The following SYT16 variants were observed in gnomAD, a reference collection of about 807,000 sequenced individuals.
The protein encoded by SYT16 is synaptotagmin 16.
Under a neutral mutation model 61.4 loss-of-function variants are expected in SYT16, and 42 were observed. That is an observed-to-expected ratio of 0.68 (90% CI 0.53 to 0.89). The LOEUF (loss-of-function observed/expected upper bound fraction) is 0.89, where lower values mean the gene tolerates loss of function less well. Ranked by LOEUF, SYT16 falls within the 40% of genes least tolerant of loss-of-function variation. The probability of loss-of-function intolerance (pLI) is 0.00; values close to 1 mark genes in which losing one functional copy is unlikely to be tolerated. For synonymous variants in SYT16, 314 were observed against 302.3 expected, an observed-to-expected ratio of 1.04 and a Z score of -0.40; for missense variants, 804 against 807.3, an observed-to-expected ratio of 1.00 and a Z score of 0.05.
intron 3 of SYT16, among the ~76,000 whole-genome samples, chr14:62,062,251 T>C (rs2055858090): frequency 6.6e-6 from 1 of 152,194 alleles, no homozygotes; most frequent in Non-Finnish European, 1.5e-5. Context: ...AGCTATTTGA[T>C]TGTACTGAAG....
At chr14:62,045,364 C>A (rs959192175) in intron 3 of SYT16, among the ~76,000 whole-genome samples, 1 of 151,870 alleles carries the variant, frequency 6.6e-6, no homozygotes. Context: ...ATAAAAGCAT[C>A]GGGGTATGTT....
At chr14:61,864,870 C>A (rs1020094508) in intron 1 of SYT16, 4 of 1,182,518 alleles carry the variant, frequency 3.4e-6, no homozygotes, top group African/African-American at 1.5e-5. Flanking sequence ...CAGCCACCCC[C>A]GGCGGAGACA....
rs1278262872 is a variant in SYT16 at position 62,101,882 on chromosome 14, A to G, written c.*1175A>G. ...AATCTGGGCATGTGCCATTCAGAAT[A>G]CTGATCTTGTATGGTTATGAGCATG... On this transcript the variant is annotated 3_prime_UTR_variant, in exon 8 of 8. Coordinates refer to ENST00000683842, the MANE Select transcript of SYT16 (RefSeq NM_001367656.1). 2.6e-5 allele frequency: 4 copies of G among 152,194 alleles called. No individual in the cohort carries two copies. The highest frequency in any genetic ancestry group is 5.9e-5 in the Non-Finnish European group (4 of 68,030). The allele number at this position is 152,194 out of a possible 1,614,324, so 9.4% of individuals were successfully genotyped here. A position where few individuals can be genotyped will look rare whatever the true frequency, so the allele number is the denominator to read the frequency against.
intron 1 of SYT16, among the ~76,000 whole-genome samples, chr14:61,860,809 G>A (rs1192927324): frequency 6.6e-6 from 1 of 152,088 alleles, no homozygotes; most frequent in Admixed American, 6.6e-5. Context: ...CTCCAGCCTT[G>A]TTTAGCTATG....
rs191876472 is a variant in SYT16 at position 61,986,719 on chromosome 14, T to C, written c.-144-9157T>C. Among the ~76,000 whole-genome samples the C allele has an allele frequency of 1.7e-3, 254 of 152,200 alleles. 1 individual carries two copies. Among genetic ancestry groups the C allele is most frequent in the African/African-American group, 5.9e-3 (244 of 41,536 alleles). ...GTGGGAAAAGTTATTGAGGCCCTAATTGAAAATCTAGTTTTTAAAATATTA... is the reference window on the plus strand; with the variant it reads ...GTGGGAAAAGTTATTGAGGCCCTAACTGAAAATCTAGTTTTTAAAATATTA... On this transcript the variant is annotated intron_variant, in intron 2 of 7. Transcript: ENST00000683842.
At chr14:61,926,992 G>T (rs1214162051) in intron 1 of SYT16, among the ~76,000 whole-genome samples, 7 of 152,152 alleles carry the variant, frequency 4.6e-5, no homozygotes, top group African/African-American at 1.7e-4. Context: ...CAAAGACTCA[G>T]CTGTAATTAT....
intron 1 of SYT16, among the ~76,000 whole-genome samples, chr14:61,861,092 G>A (rs2046948103): frequency 6.6e-6 from 1 of 152,172 alleles, no homozygotes; most frequent in South Asian, 2.1e-4. Context: ...ATGGAAGGTG[G>A]TGATCAGAGA....
intron 3 of SYT16, among the ~76,000 whole-genome samples, chr14:62,050,580 GT>G (rs1249675525): frequency 6.6e-6 from 1 of 152,148 alleles, no homozygotes; most frequent in Non-Finnish European, 1.5e-5. Flanking sequence ...TTTCTGCTCC[GT>G]TTTTCCCCCA....
intron 3 of SYT16, among the ~76,000 whole-genome samples, chr14:62,033,618 A>G (rs2054390740): frequency 6.6e-6 from 1 of 152,140 alleles, no homozygotes; most frequent in African/African-American, 2.4e-5. Context: ...CCCATAGGAA[A>G]TGGAAAGACA....
Position 61,960,729 on chromosome 14 carries a change from G to A in SYT16, c.-324-9403G>A, listed in dbSNP as rs116998952. Among the ~76,000 whole-genome samples, 637 of 152,064 alleles carry A rather than the reference G, an allele frequency of 4.2e-3. 1 individual carries two copies. The highest frequency in any genetic ancestry group is 6.0e-3 in the Admixed American group (91 of 15,266). Reference sequence around the variant, plus strand: ...CCTGATTGCTCTGGCCATGACTGCCGTACTATGTTGAGTAGGAGTGATGAG... The same window carrying A: ...CCTGATTGCTCTGGCCATGACTGCCATACTATGTTGAGTAGGAGTGATGAG... On this transcript the variant is annotated intron_variant, in intron 1 of 7. Transcript: ENST00000683842.
rs971691127 is a variant in SYT16, at chr14:61,985,818, A to G, written c.-144-10058A>G. 5.9e-5 allele frequency among the ~76,000 whole-genome samples: 9 copies of G among 152,148 alleles called. No homozygotes were observed. In the East Asian group the frequency reaches 1.3e-3, roughly 23 times the overall value. ...TATAAATATTTCTTGAGTGACTTCT[A>G]TGTGCTAGATATGGCTGCTAGATGC... On this transcript the variant is annotated intron_variant, in intron 2 of 7. Transcript: ENST00000683842.
chr14:61,917,263 C>A (rs1451520212), intron 1 of SYT16, among the ~76,000 whole-genome samples: 1 of 152,160 alleles, frequency 6.6e-6, no homozygotes. Flanking sequence ...TACACAGCAT[C>A]TATTTTCCTC....
chr14:61,864,900 G>T (rs758782876), intron 1 of SYT16: 2 of 1,248,968 alleles, frequency 1.6e-6, no homozygotes, highest in Non-Finnish European at 2.3e-6. Context: ...TGCGCGGATG[G>T]CGGGATGCTC....
rs567515595 is a variant in SYT16 at position 62,086,881 on chromosome 14, C to T, written c.1624+2496C>T. ...CCCATGGAATAGAAAACAATGCTGC[C>T]GTGATGCTAGTAATTAAAACAGAAA... On this transcript the variant is annotated intron_variant, in intron 7 of 7. Transcript: ENST00000683842. Among the ~76,000 whole-genome samples the T allele has an allele frequency of 9.9e-5, 15 of 152,228 alleles. No individual in the cohort carries two copies. In the South Asian group the frequency reaches 2.1e-3, roughly 21 times the overall value.
intron 3 of SYT16, among the ~76,000 whole-genome samples, chr14:62,037,943 T>C (rs558847459): frequency 1.6e-4 from 24 of 152,318 alleles, no homozygotes; most frequent in African/African-American, 5.8e-4. Context: ...CAGAGGTCTT[T>C]TTATGATCAC....
At chr14:62,062,192 C>T (rs2055856349) in intron 3 of SYT16, among the ~76,000 whole-genome samples, 1 of 152,140 alleles carries the variant, frequency 6.6e-6, no homozygotes, top group Non-Finnish European at 1.5e-5. Context: ...GGTGACAAAA[C>T]AGATGTTTGC....
intron 1 of SYT16, among the ~76,000 whole-genome samples, chr14:61,959,466 A>G (rs1196928222): frequency 6.6e-6 from 1 of 152,086 alleles, no homozygotes; most frequent in Non-Finnish European, 1.5e-5. Context: ...GTTTATAGTT[A>G]TAGCAGTGTA....
At chr14:62,018,768 G>C (rs1159946748) in intron 3 of SYT16, among the ~76,000 whole-genome samples, 1 of 152,106 alleles carries the variant, frequency 6.6e-6, no homozygotes, top group African/African-American at 2.4e-5. Flanking sequence ...CTACATGAAT[G>C]TAAACGGTAC....
At chr14:61,851,274 T>G (rs1182902789) in intron 1 of SYT16, among the ~76,000 whole-genome samples, 1 of 152,196 alleles carries the variant, frequency 6.6e-6, no homozygotes, top group Non-Finnish European at 1.5e-5. Flanking sequence ...TATTCCATGG[T>G]GTATATGTAC....
Sources: allele counts gnomAD v4.1 joint callset (sites outside exome capture counted in the v4.1 genomes callset), GRCh38; gene constraint gnomAD v4.1.1; transcripts MANE v1.5; gene names NCBI Gene and HGNC (gene_info 2026-07-23, HGNC 2026-07-21).